Variants in FEM1A observed in about 807,000 individuals in gnomAD.
The protein encoded by FEM1A is protein fem-1 homolog A.
Under a neutral mutation model 0.7 loss-of-function variants are expected in FEM1A, and 1 was observed. The ratio of observed to expected loss-of-function variants is 1.35; its 90% CI spans 0.48 to 6.40. The LOEUF (loss-of-function observed/expected upper bound fraction) is 6.40, where lower values mean the gene tolerates loss of function less well. Ranked by LOEUF, FEM1A falls within the 30% of genes most tolerant of loss-of-function variation. The probability of loss-of-function intolerance (pLI) is 0.14; values close to 1 mark genes in which losing one functional copy is unlikely to be tolerated. For missense variants in FEM1A, 721 were observed against 918.7 expected (o/e 0.78, Z 2.78); for synonymous variants, 391 against 420.6 (o/e 0.93, Z 0.86).
Position 4,793,627 on chromosome 19 carries a change from C to G in FEM1A, c.1773C>G (p.Asn591Lys). 6.2e-7 allele frequency: 1 copy of G among 1,612,874 alleles called. No homozygotes were observed. Among genetic ancestry groups the G allele is most frequent in the Non-Finnish European group, 8.5e-7 (1 of 1,179,864 alleles). ...CCCCGCTACACATAGCAGCCCAGAACAACTGCCCGGCCATCATGAATGCCC... is the reference window on the plus strand; with the variant it reads ...CCCCGCTACACATAGCAGCCCAGAAGAACTGCCCGGCCATCATGAATGCCC... ...NNTPLHIAAQ[N>K]NCPAIMNALI... Residue 591 changes from asparagine (N) to lysine (K), a missense_variant, in exon 1 of 1, where the codon AAC becomes AAG. Physicochemically the swap from Asn to Lys is moderately conservative, Grantham distance 94. Around this residue, in one of 4 missense-constraint regions of FEM1A, gnomAD observed 379 missense variants for 454.8 expected, o/e 0.83. Transcript: ENST00000269856. The surrounding 1 kb of genome is among the most constrained non-coding windows in gnomAD (Gnocchi z 5.1).
chr19:4,799,639 G>A lies in FEM1A; in HGVS notation c.*5775G>A. The A allele has an allele frequency of 6.6e-6, 1 of 151,966 alleles. No homozygotes were observed. The highest frequency in any genetic ancestry group is 1.5e-5 in the Non-Finnish European group (1 of 68,124). The allele number at this position is 151,966 out of a possible 1,614,324, so 9.4% of individuals were successfully genotyped here. A position where few individuals can be genotyped will look rare whatever the true frequency, so the allele number is the denominator to read the frequency against. ...TGGGGCCATCTGGCTGGGTGCGGTG[G>A]CTCACGCCTGTAATCCCAACACTTT... On this transcript the variant is annotated 3_prime_UTR_variant, in exon 1 of 1. Transcript: ENST00000269856.
In FEM1A at chr19:4,792,718, C is replaced by T. The variant is rs1489590673; in HGVS notation, c.864C>T (p.Ser288=). The change falls in exon 1 of 1, where the codon AGC becomes AGT. Residue 288 remains serine (S), a synonymous_variant. Transcript: ENST00000269856. The surrounding 1 kb of genome is among the most constrained non-coding windows in gnomAD (Gnocchi z 6.7). ...CACTGAACGGGGAATCTTACGAAAGCTGCTGTCCCACCAGCCGGGAAGCTG... is the reference window on the plus strand; with the variant it reads ...CACTGAACGGGGAATCTTACGAAAGTTGCTGTCCCACCAGCCGGGAAGCTG... The part of the protein sequence containing the change: ...EEPLNGESYE[S]CCPTSREAAV... The T allele has an allele frequency of 6.2e-7, 1 of 1,611,978 alleles. No individual in the cohort carries two copies. The highest frequency in any genetic ancestry group is 1.7e-5 in the Admixed American group (1 of 60,006).
Position 4,791,782 on chromosome 19 carries a change from G to A in FEM1A, c.-73G>A. 7.3e-7 allele frequency: 1 copy of A among 1,376,308 alleles called. No homozygotes were observed. Among genetic ancestry groups the A allele is most frequent in the Non-Finnish European group, 9.5e-7 (1 of 1,057,360 alleles). 85.3% of individuals were successfully genotyped at this position (1,376,308 alleles called of 1,614,324 possible). ...AGGGGGACGGTGAAGGTTGCCTCCC[G>A]CCCGTCCGGGCTCTGATCCTCCGTC... On this transcript the variant is annotated 5_prime_UTR_variant, in exon 1 of 1. Transcript: ENST00000269856.
rs371913076 is a variant in FEM1A, at chr19:4,792,625, C to T, written c.771C>T (p.Asp257=). 1 of 1,611,664 alleles carries T rather than the reference C, an allele frequency of 6.2e-7. No homozygotes were observed. The highest frequency in any genetic ancestry group is 8.5e-7 in the Non-Finnish European group (1 of 1,179,760). ...CTCAGCCTGGGCTGCCCCAAGAAGA[C>T]CCCTCCACCAGCCAGGGGTGTGCGC... The part of the protein sequence containing the change: ...GEAQPGLPQE[D]PSTSQGCAQP... The change falls in exon 1 of 1, where the codon GAC becomes GAT. Residue 257 remains aspartate (D), a synonymous_variant. Transcript: ENST00000269856. The surrounding 1 kb of genome is among the most constrained non-coding windows in gnomAD (Gnocchi z 6.7).
In FEM1A at chr19:4,798,124, T is replaced by G. The variant is rs2093563742; in HGVS notation, c.*4260T>G. The stretch of plus-strand genomic sequence containing the variant: ...GGCAGGTGCCTGTAGTCCCAGCTAC[T>G]CCGGAGTCTGAGGCAGGAGAATGGC... On this transcript the variant is annotated 3_prime_UTR_variant, in exon 1 of 1. Coordinates refer to ENST00000269856, the MANE Select transcript of FEM1A (RefSeq NM_018708.3). The G allele has an allele frequency of 6.7e-6, 1 of 148,832 alleles. No homozygotes were observed. The highest frequency in any genetic ancestry group is 6.7e-5 in the Admixed American group (1 of 14,824). 9.2% of individuals were successfully genotyped at this position (148,832 alleles called of 1,614,324 possible). A position where few individuals can be genotyped will look rare whatever the true frequency, so the allele number is the denominator to read the frequency against.
chr19:4,792,557 A>G lies in FEM1A; in HGVS notation c.703A>G (p.Ile235Val). Residue 235 changes from isoleucine (I) to valine (V), a missense_variant, in exon 1 of 1, where the codon ATC (isoleucine) becomes GTC (valine). Physicochemically the swap from Ile to Val is conservative, Grantham distance 29 (BLOSUM62 3). Transcript: ENST00000269856. The surrounding 1 kb of genome is among the most constrained non-coding windows in gnomAD (Gnocchi z 6.7). The part of the protein sequence containing the change: ...TGHTNIVEYL[I>V]QEQPGQEQVA... ...CCACACCAACATCGTGGAGTACCTC[A>G]TCCAGGAGCAGCCCGGCCAGGAGCA... 1 of 1,605,234 alleles carries G rather than the reference A, an allele frequency of 6.2e-7. No homozygotes were observed. The highest frequency in any genetic ancestry group is 1.1e-5 in the South Asian group (1 of 90,976).
rs1393519469 is a variant in FEM1A, at chr19:4,796,189, A to AATTTTTTT, written c.*2325_*2326insATTTTTTT. 7.5e-6 allele frequency: 1 copy of AATTTTTTT among 133,414 alleles called. No homozygotes were observed. Among genetic ancestry groups the AATTTTTTT allele is most frequent in the Non-Finnish European group, 1.6e-5 (1 of 62,886 alleles). 8.3% of individuals were successfully genotyped at this position (133,414 alleles called of 1,614,324 possible). The stretch of plus-strand genomic sequence containing the variant: ...AACATAGTAAGACCTCTGTCTCTAC[A>AATTTTTTT]TTTTTTTTTTTTTTTTTTTTGAGAT... On this transcript the variant is annotated 3_prime_UTR_variant, in exon 1 of 1. Coordinates refer to ENST00000269856, the MANE Select transcript of FEM1A (RefSeq NM_018708.3).
chr19:4,792,001 C>T lies in FEM1A; in HGVS notation c.147C>T (p.Ala49=), dbSNP rs1457888425. Reference sequence around the variant, plus strand: ...GGGGAACGCCGCTACTCATCGCCGCCCGCTACGGCCACCTGGACGTGGTGG... The same window carrying T: ...GGGGAACGCCGCTACTCATCGCCGCTCGCTACGGCCACCTGGACGTGGTGG... ...AGGGTPLLIA[A]RYGHLDVVEY... is the part of the protein sequence containing the mutation. The change falls in exon 1 of 1, where the codon GCC becomes GCT. Residue 49 remains alanine (A), a synonymous_variant. Transcript: ENST00000269856. This position sits in a 1 kb window ranked among gnomAD's most constrained non-coding sequence, Gnocchi z 6.7. 2 of 1,535,100 alleles carry T rather than the reference C, an allele frequency of 1.3e-6. No homozygotes were observed. The highest frequency in any genetic ancestry group is 1.7e-6 in the Non-Finnish European group (2 of 1,148,656).
rs543171245 is a variant in FEM1A, at chr19:4,792,250, G to A, written c.396G>A (p.Val132=). 11 of 1,532,164 alleles carry A rather than the reference G, an allele frequency of 7.2e-6. No homozygotes were observed. The African/African-American group carries it at 1.2e-4, about 17-fold the overall frequency. 94.9% of individuals were successfully genotyped at this position (1,532,164 alleles called of 1,614,324 possible). ...AACFDGHLEV[V]RYLVGEHQAD... ...GCTTCGACGGCCACCTGGAGGTGGT[G>A]CGCTACCTGGTCGGCGAGCACCAGG... The change falls in exon 1 of 1, where the codon GTG becomes GTA. Residue 132 remains valine, a synonymous_variant. Transcript: ENST00000269856. The surrounding 1 kb of genome is among the most constrained non-coding windows in gnomAD (Gnocchi z 6.7).
rs2093561896 is a variant in FEM1A at position 4,797,092 on chromosome 19, C to CA, written c.*3229dup. On this transcript the variant is annotated 3_prime_UTR_variant, in exon 1 of 1. Transcript: ENST00000269856. ...GCCCTCTAAAGGAGGAAAAACATAT[C>CA]AGAGTCCCATGGATGGAAGAAAAAT... 1 of 151,106 alleles carries CA rather than the reference C, an allele frequency of 6.6e-6. No individual in the cohort carries two copies. Among genetic ancestry groups the CA allele is most frequent in the Non-Finnish European group, 1.5e-5 (1 of 67,818 alleles). The allele number at this position is 151,106 out of a possible 1,614,324, so 9.4% of individuals were successfully genotyped here.
At position 4,796,161 on chromosome 19, in the gene FEM1A, G is replaced by A. The variant is rs2093560843; in HGVS notation, c.*2297G>A. 2 of 151,784 alleles carry A rather than the reference G, an allele frequency of 1.3e-5. No homozygotes were observed. Among genetic ancestry groups the A allele is most frequent in the African/African-American group, 4.8e-5 (2 of 41,260 alleles). 9.4% of individuals were successfully genotyped at this position (151,784 alleles called of 1,614,324 possible). On this transcript the variant is annotated 3_prime_UTR_variant, in exon 1 of 1. Coordinates refer to ENST00000269856, the MANE Select transcript of FEM1A (RefSeq NM_018708.3). ...TAATCTCAGCACCTTGGGAAGCCTG[G>A]GCAACATAGTAAGACCTCTGTCTCT...
At position 4,792,496 on chromosome 19, in the gene FEM1A, C is replaced by G; in HGVS notation, c.642C>G (p.Tyr214Ter). 5 of 1,597,974 alleles carry G rather than the reference C, an allele frequency of 3.1e-6. No individual in the cohort carries two copies. Among genetic ancestry groups the G allele is most frequent in the Non-Finnish European group, 4.2e-6 (5 of 1,179,682 alleles). Residue 214 changes from tyrosine (Y) to a stop codon, truncating the protein, a stop_gained, in exon 1 of 1, where the codon TAC becomes TAG. Coordinates refer to ENST00000269856, the MANE Select transcript of FEM1A (RefSeq NM_018708.3). LOFTEE classifies it low-confidence loss of function (END_TRUNC). The surrounding 1 kb of genome is among the most constrained non-coding windows in gnomAD (Gnocchi z 6.7). ...GCKARMERDG[Y>*]GMTPLLAASV... ...AGGCCCGCATGGAACGTGACGGCTA[C>G]GGCATGACCCCGCTGCTCGCGGCCA...
At position 4,793,758 on chromosome 19, in the gene FEM1A, A is replaced by G; in HGVS notation, c.1904A>G (p.Asn635Ser). ...LLARGTMQPF[N>S]YVTLQCLAAR... ...GCCAGGGGTACCATGCAGCCCTTCA[A>G]CTACGTGACCCTGCAGTGCCTTGCG... The change falls in exon 1 of 1, where the codon AAC (asparagine) becomes AGC (serine). Residue 635 changes from asparagine to serine, a missense_variant. This residue lies in a region of FEM1A where 379 missense variants were observed against 454.8 expected (regional missense o/e 0.83). Coordinates refer to ENST00000269856, the MANE Select transcript of FEM1A (RefSeq NM_018708.3). This position sits in a 1 kb window ranked among gnomAD's most constrained non-coding sequence, Gnocchi z 5.1. The G allele has an allele frequency of 1.2e-6, 2 of 1,612,314 alleles. No individual in the cohort carries two copies. The highest frequency in any genetic ancestry group is 1.3e-5 in the African/African-American group (1 of 74,954).
At position 4,792,950 on chromosome 19, in the gene FEM1A, G is replaced by A. The variant is rs748527950; in HGVS notation, c.1096G>A (p.Asp366Asn). 6.2e-7 allele frequency: 1 copy of A among 1,612,524 alleles called. No individual in the cohort carries two copies. Among genetic ancestry groups the A allele is most frequent in the Non-Finnish European group, 8.5e-7 (1 of 1,179,810 alleles). ...CGAGGAGCTGGAGGCGCTGATCACC[G>A]ACCCGGATGAGATGCGCATGCAGGC... Reference protein sequence around the residue: ...TTEELEALITDPDEMRMQALL... With the variant: ...TTEELEALITNPDEMRMQALL... The change falls in exon 1 of 1, where the codon GAC becomes AAC. Residue 366 changes from aspartate (D) to asparagine (N), a missense_variant. Physicochemically the swap from Asp to Asn is conservative, Grantham distance 23. Coordinates refer to ENST00000269856, the MANE Select transcript of FEM1A (RefSeq NM_018708.3). This position sits in a 1 kb window ranked among gnomAD's most constrained non-coding sequence, Gnocchi z 6.7.
chr19:4,792,445 G>A lies in FEM1A; in HGVS notation c.591G>A (p.Glu197=), dbSNP rs1182513831. 4 of 1,596,526 alleles carry A rather than the reference G, an allele frequency of 2.5e-6. No homozygotes were observed. Among genetic ancestry groups the A allele is most frequent in the Non-Finnish European group, 3.4e-6 (4 of 1,179,574 alleles). The change falls in exon 1 of 1, where the codon GAG becomes GAA. Residue 197 remains glutamate (E), a synonymous_variant. Transcript: ENST00000269856. This position sits in a 1 kb window ranked among gnomAD's most constrained non-coding sequence, Gnocchi z 6.7. ...ACTGCGCCGAGTCCGGCAGCCTGGA[G>A]ATCCTGCAGCTGCTGCTGGGGTGCA... is the stretch of plus-strand genomic sequence containing the variant. ...LHDCAESGSL[E]ILQLLLGCKA...
At position 4,801,105 on chromosome 19, in the gene FEM1A, G is replaced by A. The variant is rs1269407877; in HGVS notation, c.*7241G>A. 6.6e-6 allele frequency: 1 copy of A among 152,088 alleles called. No individual in the cohort carries two copies. 9.4% of individuals were successfully genotyped at this position (152,088 alleles called of 1,614,324 possible). On this transcript the variant is annotated 3_prime_UTR_variant, in exon 1 of 1. Transcript: ENST00000269856. ...TGAACTGGGACATTCAGAATTCCCTGGAGCAACCCCCTCCCTCCACCCTGT... is the reference window on the plus strand; with the variant it reads ...TGAACTGGGACATTCAGAATTCCCTAGAGCAACCCCCTCCCTCCACCCTGT...
Position 4,795,151 on chromosome 19 carries a change from G to T in FEM1A, c.*1287G>T, listed in dbSNP as rs141938232. 1 of 166,904 alleles carries T rather than the reference G, an allele frequency of 6.0e-6. No individual in the cohort carries two copies. The highest frequency in any genetic ancestry group is 1.5e-5 in the Non-Finnish European group (1 of 68,136). 10.3% of individuals were successfully genotyped at this position (166,904 alleles called of 1,614,324 possible). On this transcript the variant is annotated 3_prime_UTR_variant, in exon 1 of 1. Transcript: ENST00000269856. ...CCGTGACTCAGGGTAAGGTGCTGGG[G>T]CTGCCAGAGGACCTGCCCCAGCAAG...
chr19:4,793,737 G>A lies in FEM1A; in HGVS notation c.1883G>A (p.Arg628Lys), dbSNP rs766704815. ...YELLDEKLLA[R>K]GTMQPFNYVT... ...CTGCTGGACGAGAAGCTGCTGGCCA[G>A]GGGTACCATGCAGCCCTTCAACTAC... The change falls in exon 1 of 1, where the codon AGG becomes AAG. Residue 628 changes from arginine to lysine, a missense_variant. By Grantham distance (26) the Arg-to-Lys change is conservative (BLOSUM62 2). Coordinates refer to ENST00000269856, the MANE Select transcript of FEM1A (RefSeq NM_018708.3). The surrounding 1 kb of genome is among the most constrained non-coding windows in gnomAD (Gnocchi z 5.1). The A allele has an allele frequency of 2.5e-6, 4 of 1,612,620 alleles. No individual in the cohort carries two copies. Among genetic ancestry groups the A allele is most frequent in the Non-Finnish European group, 3.4e-6 (4 of 1,179,818 alleles).
Position 4,793,751 on chromosome 19 carries a change from C to A in FEM1A, c.1897C>A (p.Pro633Thr), listed in dbSNP as rs752546084. The A allele has an allele frequency of 3.1e-5, 50 of 1,612,304 alleles. No homozygotes were observed. The highest frequency in any genetic ancestry group is 4.0e-5 in the Non-Finnish European group (47 of 1,179,770). Reference protein sequence around the residue: ...EKLLARGTMQPFNYVTLQCLA... With the variant: ...EKLLARGTMQTFNYVTLQCLA... ...GCTGCTGGCCAGGGGTACCATGCAG[C>A]CCTTCAACTACGTGACCCTGCAGTG... Residue 633 changes from proline to threonine, a missense_variant, in exon 1 of 1, where the codon CCC (proline) becomes ACC (threonine). Transcript: ENST00000269856. The surrounding 1 kb of genome is among the most constrained non-coding windows in gnomAD (Gnocchi z 5.1).
Sources: gnomAD v4.1 joint callset for allele counts on GRCh38, gnomAD v4.1.1 for gene constraint, gnomAD v4.1.1 regional missense constraint, Gnocchi (gnomAD v3.1) non-coding constraint, MANE v1.5 for transcripts, NCBI Gene and HGNC (gene_info 2026-07-23, HGNC 2026-07-21) for gene names.